Variants in PCCA observed in about 807,000 individuals in gnomAD.
The protein encoded by PCCA is propionyl-CoA carboxylase subunit alpha, also known as propionyl-CoA carboxylase alpha chain, mitochondrial.
A neutral mutation model predicts 101.3 loss-of-function variants in PCCA; 74 were observed. That is an observed-to-expected ratio of 0.73 (90% CI 0.61 to 0.89). PCCA has a LOEUF of 0.89. Among genes scored for constraint, PCCA ranks in the 40% least tolerant of loss-of-function variants. The pLI, the probability that PCCA is intolerant of heterozygous loss-of-function variation, is 0.00. For missense variants in PCCA, 891 were observed against 907.0 expected, an observed-to-expected ratio of 0.98 and a Z score of 0.23; for synonymous variants, 294 against 313.6, an observed-to-expected ratio of 0.94 and a Z score of 0.66.
intron 19 of PCCA, among the ~76,000 whole-genome samples, chr13:100,388,142 G>A (rs945713079): frequency 2.0e-5 from 3 of 152,160 alleles, no homozygotes; most frequent in Non-Finnish European, 2.9e-5. Flanking sequence ...AGCCTATTAC[G>A]GGTGCTAGTC....
chr13:100,333,118 T>G (rs2069896635), intron 17 of PCCA, among the ~76,000 whole-genome samples: 1 of 152,262 alleles, frequency 6.6e-6, no homozygotes, highest in Admixed American at 6.5e-5. Flanking sequence ...CCTCTTGTTT[T>G]ATTTTCTTAT....
chr13:100,150,588 T>C (rs1019323868), intron 4 of PCCA: 3 of 1,214,350 alleles, frequency 2.5e-6, no homozygotes, highest in African/African-American at 3.0e-5. Context: ...GCCAGGGCTC[T>C]TTTGGCCTGC....
At chr13:100,497,461 A>ATTTT (rs760521573) in intron 21 of PCCA, among the ~76,000 whole-genome samples, 1 of 142,660 alleles carries the variant, frequency 7.0e-6, no homozygotes, top group Non-Finnish European at 1.5e-5. Context: ...AGCCAATTTA[A>ATTTT]TTTTTTTTTT....
intron 4 of PCCA, among the ~76,000 whole-genome samples, chr13:100,112,390 C>T (rs1055613859): frequency 2.6e-5 from 4 of 152,202 alleles, no homozygotes; most frequent in South Asian, 4.1e-4. Flanking sequence ...AGAGCACTTT[C>T]CCCCAGCATA....
At chr13:100,148,827 C>T (rs1026956497) in intron 4 of PCCA, among the ~76,000 whole-genome samples, 5 of 152,054 alleles carry the variant, frequency 3.3e-5, no homozygotes, top group Admixed American at 6.6e-5. Context: ...CTGGCAAAAA[C>T]GTATTCTCTT....
intron 19 of PCCA, among the ~76,000 whole-genome samples, chr13:100,382,583 A>G (rs1444119712): frequency 6.6e-6 from 1 of 152,188 alleles, no homozygotes; most frequent in Admixed American, 6.5e-5. Flanking sequence ...TATCAATATC[A>G]AACAATAGTT....
chr13:100,151,492 T>C (rs2053314466), intron 4 of PCCA, among the ~76,000 whole-genome samples: 1 of 151,858 alleles, frequency 6.6e-6, no homozygotes, highest in African/African-American at 2.4e-5. Flanking sequence ...TTGGGAAGGC[T>C]GAGGCAGGAG....
At chr13:100,436,123 A>G (rs1290553319) in intron 20 of PCCA, among the ~76,000 whole-genome samples, 1 of 152,136 alleles carries the variant, frequency 6.6e-6, no homozygotes, top group Non-Finnish European at 1.5e-5. Context: ...GCAGTGGCTC[A>G]AGGGCCCGGA....
intron 12 of PCCA, among the ~76,000 whole-genome samples, chr13:100,290,608 C>T (rs549157284): frequency 6.6e-6 from 1 of 152,274 alleles, no homozygotes; most frequent in South Asian, 2.1e-4. Flanking sequence ...CCTTTTAGTC[C>T]ATGCCCTTTT....
chr13:100,446,160 C>A (rs939503619), intron 20 of PCCA, among the ~76,000 whole-genome samples: 1 of 152,118 alleles, frequency 6.6e-6, no homozygotes, highest in African/African-American at 2.4e-5. Flanking sequence ...GCCTCAGGCT[C>A]CTGAGTAGCT....
intron 18 of PCCA, among the ~76,000 whole-genome samples, chr13:100,360,167 A>AC (rs879886303): frequency 0.011 from 1,584 of 142,022 alleles, 22 homozygotes; most frequent in African/African-American, 0.034. Context: ...GTGCAGGGAA[A>AC]CCCCCCCCTT....
intron 21 of PCCA, 123 bp downstream of exon 21, chr13:100,449,428 G>T: frequency 3.3e-6 from 2 of 608,036 alleles, no homozygotes; most frequent in Admixed American, 3.1e-5. Context: ...CTACTTTTTT[G>T]CCTTTACAAA....
intron 19 of PCCA, among the ~76,000 whole-genome samples, chr13:100,377,813 G>A (rs1377321422): frequency 6.6e-6 from 1 of 152,094 alleles, no homozygotes; most frequent in Non-Finnish European, 1.5e-5. Context: ...CATCTTTTAA[G>A]TGGAGCATTT....
chr13:100,179,352 CAG>C lies in PCCA; in HGVS notation c.468+22014_468+22015del, dbSNP rs1409960137. Among the ~76,000 whole-genome samples, 5 of 152,068 alleles carry C rather than the reference CAG, an allele frequency of 3.3e-5. No homozygotes were observed. In the East Asian group the frequency reaches 7.7e-4, roughly 23 times the overall value. On this transcript the variant is annotated intron_variant, in intron 6 of 23. Transcript: ENST00000376285. Reference sequence around the variant, plus strand: ...GCTGGGTTTTAAGGCATAAGAGAAACAGATGATTTCTGCATTTTACTGGAAAA... The same window carrying C: ...GCTGGGTTTTAAGGCATAAGAGAAACATGATTTCTGCATTTTACTGGAAAA...
rs184521416 is a variant in PCCA at position 100,371,883 on chromosome 13, G to T, written c.1746+3309G>T. On this transcript the variant is annotated intron_variant, in intron 19 of 23. Coordinates refer to ENST00000376285, the MANE Select transcript of PCCA (RefSeq NM_000282.4). ...AGAGCCCATAAGTAAACCCTTGTAT[G>T]TATGGTCAAATGGCTTTTGACAAGA... 3.3e-3 allele frequency among the ~76,000 whole-genome samples: 506 copies of T among 152,286 alleles called. 4 individuals carry two copies. The highest frequency in any genetic ancestry group is 0.012 in the African/African-American group (478 of 41,554).
chr13:100,328,943 C>T (rs1045614255), intron 16 of PCCA, among the ~76,000 whole-genome samples: 5 of 149,924 alleles, frequency 3.3e-5, no homozygotes, highest in East Asian at 2.0e-4. Context: ...CTGCCTGCCT[C>T]GGCCTCCCAA....
At chr13:100,504,404 G>A (rs528294131) in intron 21 of PCCA, among the ~76,000 whole-genome samples, 1 of 152,328 alleles carries the variant, frequency 6.6e-6, no homozygotes, top group African/African-American at 2.4e-5. Flanking sequence ...GAGAGTCAGC[G>A]TGAAGAGTTG....
chr13:100,092,929 C>T (rs1455980390), intron 1 of PCCA, among the ~76,000 whole-genome samples: 3 of 152,122 alleles, frequency 2.0e-5, no homozygotes, highest in Non-Finnish European at 4.4e-5. Flanking sequence ...TGTTTATAGA[C>T]ATTTATATAT....
intron 21 of PCCA, among the ~76,000 whole-genome samples, chr13:100,477,042 C>A (rs535285594): frequency 6.6e-6 from 1 of 152,324 alleles, no homozygotes; most frequent in South Asian, 2.1e-4. Flanking sequence ...TCTATCCCAT[C>A]TGTTTATATA....
Sources: gnomAD v4.1 joint callset for allele counts (sites outside exome capture counted in the v4.1 genomes callset) on GRCh38, gnomAD v4.1.1 for gene constraint, MANE v1.5 for transcripts, NCBI Gene and HGNC (gene_info 2026-07-23, HGNC 2026-07-21) for gene names.